Variants in PTCHD4 observed in about 807,000 individuals in gnomAD.
The protein encoded by PTCHD4 is patched domain-containing protein 4.
PTCHD4 carries 33 observed loss-of-function variants against 58.1 expected under a neutral mutation model. The observed-to-expected ratio is 0.57, with a 90% CI of 0.43 to 0.76. The LOEUF (loss-of-function observed/expected upper bound fraction) is 0.76. PTCHD4 is among the 30% of genes least tolerant of loss of function. PTCHD4 has a pLI of 0.00. For synonymous variants in PTCHD4, 478 were observed against 409.6 expected (o/e 1.17, Z -2.02); for missense variants, 1,058 against 1,027.1 (o/e 1.03, Z -0.41).
At position 48,069,674 on chromosome 6, in the gene PTCHD4, G is replaced by A. The variant is rs1323497531; in HGVS notation, c.-717C>T. On this transcript the variant is annotated 5_prime_UTR_variant, in exon 2 of 5. The change creates a new upstream start codon in the 5' untranslated region. Coordinates refer to ENST00000339488, the MANE Select transcript of PTCHD4 (RefSeq NM_001384253.1). ...ATAGCAGTAGCCTGTGTGCGTGTGCGTGTGCGTGTGTGTGTATTGAAAGTG... is the reference window on the plus strand; with the variant it reads ...ATAGCAGTAGCCTGTGTGCGTGTGCATGTGCGTGTGTGTGTATTGAAAGTG... Among the ~76,000 whole-genome samples, 1 of 152,114 alleles carries A rather than the reference G, an allele frequency of 6.6e-6. No homozygotes were observed. Among genetic ancestry groups the A allele is most frequent in the Non-Finnish European group, 1.5e-5 (1 of 68,026 alleles).
chr6:48,021,218 CTG>C (rs562938292), intron 3 of PTCHD4, among the ~76,000 whole-genome samples: 148 of 152,114 alleles, frequency 9.7e-4, no homozygotes, highest in Middle Eastern at 3.4e-3. Context: ...TCATGAAAGA[CTG>C]TGGTTTTGCC....
intron 3 of PTCHD4, among the ~76,000 whole-genome samples, chr6:48,065,943 C>A (rs1273015651): frequency 6.6e-6 from 1 of 152,068 alleles, no homozygotes; most frequent in Non-Finnish European, 1.5e-5. Flanking sequence ...AGCAATTACC[C>A]TCTGACTTCT....
At chr6:48,039,000 A>G (rs1377790032) in intron 3 of PTCHD4, among the ~76,000 whole-genome samples, 1 of 152,168 alleles carries the variant, frequency 6.6e-6, no homozygotes, top group East Asian at 1.9e-4. Context: ...TTATCAGATA[A>G]AGGTAAAAAT....
At chr6:48,001,083 C>T (rs1016695075) in intron 4 of PTCHD4, among the ~76,000 whole-genome samples, 1 of 152,088 alleles carries the variant, frequency 6.6e-6, no homozygotes, top group Non-Finnish European at 1.5e-5. Flanking sequence ...GAACTACAAA[C>T]CACTGCTCAA....
At chr6:48,042,248 G>GC (rs1582066260) in intron 3 of PTCHD4, among the ~76,000 whole-genome samples, 1 of 151,878 alleles carries the variant, frequency 6.6e-6, no homozygotes, top group African/African-American at 2.4e-5. Flanking sequence ...CGAAATCCAA[G>GC]CCCCCAAACA....
chr6:47,888,659 G>C (rs564393124), intron 4 of PTCHD4, among the ~76,000 whole-genome samples: 2 of 152,030 alleles, frequency 1.3e-5, no homozygotes, highest in East Asian at 3.9e-4. Flanking sequence ...TTTTGTTTTT[G>C]TTTTATTATT....
chr6:47,938,729 A>T (rs1375285834), intron 4 of PTCHD4, among the ~76,000 whole-genome samples: 1 of 152,234 alleles, frequency 6.6e-6, no homozygotes, highest in Non-Finnish European at 1.5e-5. Flanking sequence ...CTACACAAGT[A>T]CAGTTGCTGG....
At chr6:48,028,260 G>GT (rs149937854) in intron 3 of PTCHD4, among the ~76,000 whole-genome samples, 26,517 of 151,378 alleles carry the variant, frequency 0.18, 2,669 homozygotes, top group Non-Finnish European at 0.23. Flanking sequence ...TTTCTCTTTT[G>GT]TTTTTTTTGA....
At chr6:47,921,321 T>C (rs1173519773) in intron 4 of PTCHD4, among the ~76,000 whole-genome samples, 3 of 152,198 alleles carry the variant, frequency 2.0e-5, no homozygotes, top group Non-Finnish European at 2.9e-5. Context: ...CTATTTGCTA[T>C]CCACTTATAT....
chr6:48,073,096 C>G (rs1043609239), intron 1 of PTCHD4, among the ~76,000 whole-genome samples: 3 of 152,150 alleles, frequency 2.0e-5, no homozygotes, highest in African/African-American at 7.2e-5. Flanking sequence ...GGATATCAAT[C>G]ACATGGTAAT....
chr6:47,891,132 G>A (rs956706779), intron 4 of PTCHD4, among the ~76,000 whole-genome samples: 2 of 151,130 alleles, frequency 1.3e-5, no homozygotes, highest in African/African-American at 4.9e-5. Flanking sequence ...TGAAGTGGGA[G>A]GATTGCTTGA....
intron 3 of PTCHD4, among the ~76,000 whole-genome samples, chr6:48,024,716 G>C (rs1272696613): frequency 3.3e-5 from 5 of 152,144 alleles, no homozygotes; most frequent in Non-Finnish European, 5.9e-5. Context: ...AAGCTCCATA[G>C]TGGAAAGAGT....
intron 4 of PTCHD4, among the ~76,000 whole-genome samples, chr6:47,976,437 G>A (rs1023683307): frequency 1.3e-5 from 2 of 152,074 alleles, no homozygotes; most frequent in African/African-American, 4.8e-5. Flanking sequence ...GGTGGATGAT[G>A]AGGTCAGGAG....
chr6:48,110,988 C>T (rs567780616), intron 1 of PTCHD4, among the ~76,000 whole-genome samples, 61 bp downstream of exon 1: 1 of 151,850 alleles, frequency 6.6e-6, no homozygotes, highest in East Asian at 1.9e-4. Flanking sequence ...TGTGATTGCC[C>T]CTCTATATCC....
intron 4 of PTCHD4, among the ~76,000 whole-genome samples, chr6:47,947,427 A>C (rs1766467245): frequency 1.3e-5 from 2 of 151,666 alleles, no homozygotes; most frequent in South Asian, 4.2e-4. Flanking sequence ...CTTCCTTTTG[A>C]GGTCATTTTT....
chr6:47,943,178 A>C (rs1487671945), intron 4 of PTCHD4, among the ~76,000 whole-genome samples: 2 of 152,182 alleles, frequency 1.3e-5, no homozygotes, highest in Middle Eastern at 3.2e-3. Context: ...TTGTATTTGA[A>C]ATTCTTATAA....
intron 4 of PTCHD4, chr6:47,900,576 C>T (rs1764664614): frequency 6.6e-6 from 1 of 152,066 alleles, no homozygotes; most frequent in African/African-American, 2.4e-5. Flanking sequence ...TTGTTTTTCA[C>T]TTTCTTGATG....
At chr6:47,952,679 A>G (rs1473931461) in intron 4 of PTCHD4, among the ~76,000 whole-genome samples, 3 of 152,106 alleles carry the variant, frequency 2.0e-5, no homozygotes, top group African/African-American at 7.2e-5. Flanking sequence ...ATAACTGCCT[A>G]CAGTATTCAG....
At chr6:47,915,095 T>C (rs867944390) in intron 4 of PTCHD4, among the ~76,000 whole-genome samples, 8 of 152,068 alleles carry the variant, frequency 5.3e-5, no homozygotes, top group African/African-American at 7.2e-5. Flanking sequence ...CAGTGGTAAT[T>C]CCATGGAAAA....
Sources: allele counts gnomAD v4.1 joint callset (sites outside exome capture counted in the v4.1 genomes callset), GRCh38; gene constraint gnomAD v4.1.1; transcripts MANE v1.5; gene names NCBI Gene and HGNC (gene_info 2026-07-23, HGNC 2026-07-21).